The following SUV39H1 variants were observed in gnomAD, a reference collection of about 807,000 sequenced individuals.
SUV39H1 encodes SUV39H1 histone lysine methyltransferase, also known as histone-lysine N-methyltransferase SUV39H1.
For missense variants in SUV39H1, 180 were observed against 386.3 expected (o/e 0.47, Z 4.48); for synonymous variants, 141 against 150.5 (o/e 0.94, Z 0.46).
Position 48,696,751 on chromosome X carries a change from G to T in SUV39H1, c.-34G>T, listed in dbSNP as rs781825573. 33 of 1,136,556 alleles carry T rather than the reference G, an allele frequency of 2.9e-5. No individual in the cohort carries two copies. Among genetic ancestry groups the T allele is most frequent in the Non-Finnish European group, 1.2e-6 (1 of 859,110 alleles). 93.7% of individuals were successfully genotyped at this position (1,136,556 alleles called of 1,213,427 possible). A position where few individuals can be genotyped will look rare whatever the true frequency, so the allele number is the denominator to read the frequency against. On this transcript the variant is annotated 5_prime_UTR_variant, in exon 1 of 6. Transcript: ENST00000376687. ...GCGCGAGCGCTCTTCTCGCGAGGCC[G>T]GCTAGGCCCGAATGTCGTTAGCCGT...
chrX:48,697,172 G>A (rs1557008803), intron 1 of SUV39H1, among the ~76,000 whole-genome samples: 1 of 111,302 alleles, frequency 9.0e-6, no homozygotes, highest in African/African-American at 3.3e-5. Context: ...GCGAGACGCC[G>A]GAAGGGGAGG....
rs2062495654 is a variant in SUV39H1, at chrX:48,707,658, C to T, written c.*88C>T. The T allele has an allele frequency of 9.0e-7, 1 of 1,113,539 alleles. No homozygotes were observed. The highest frequency in any genetic ancestry group is 1.2e-6 in the Non-Finnish European group (1 of 816,773). 91.8% of individuals were successfully genotyped at this position (1,113,539 alleles called of 1,213,427 possible). A position where few individuals can be genotyped will look rare whatever the true frequency, so the allele number is the denominator to read the frequency against. On this transcript the variant is annotated 3_prime_UTR_variant, in exon 6 of 6. Transcript: ENST00000376687. ...GCTGCCCTCCTGTCGAGAATGACTG[C>T]CAGGGCCTCGCCTGCCTCCACCTGC...
chrX:48,708,857 C>T lies in SUV39H1; in HGVS notation c.*1287C>T, dbSNP rs1557010590. On this transcript the variant is annotated 3_prime_UTR_variant, in exon 6 of 6. Transcript: ENST00000376687. ...CCCCTACATGAGACTGTATGCCCTG[C>T]TATCAGATGCCAGATCTATGTGTCT... 9.0e-6 allele frequency: 1 copy of T among 111,344 alleles called. No individual in the cohort carries two copies. Among genetic ancestry groups the T allele is most frequent in the Non-Finnish European group, 1.9e-5 (1 of 52,943 alleles). 9.2% of individuals were successfully genotyped at this position (111,344 alleles called of 1,213,427 possible). A position where few individuals can be genotyped will look rare whatever the true frequency, so the allele number is the denominator to read the frequency against.
At position 48,708,050 on chromosome X, in the gene SUV39H1, AC is replaced by A; in HGVS notation, c.*482del. On this transcript the variant is annotated 3_prime_UTR_variant, in exon 6 of 6. Coordinates refer to ENST00000376687, the MANE Select transcript of SUV39H1 (RefSeq NM_003173.4). ...AGCCCGACATGAAGCTGGTTCCCCA[AC>A]CACAGAAACTTTGTACTAGTGAAAG... The A allele has an allele frequency of 4.4e-6, 1 of 227,575 alleles. No individual in the cohort carries two copies. 18.8% of individuals were successfully genotyped at this position (227,575 alleles called of 1,213,427 possible).
In SUV39H1 at chrX:48,699,008, C is replaced by G; in HGVS notation, c.126C>G (p.Asp42Glu). ...ALGISKRNLYDFEVEYLCDYK... is the reference protein window; with the variant it reads ...ALGISKRNLYEFEVEYLCDYK... ...GTATCTCTAAGAGGAACCTCTATGA[C>G]TTTGAAGTCGAGTACCTGTGCGATT... The change falls in exon 2 of 6, where the codon GAC (aspartate) becomes GAG (glutamate). Residue 42 changes from aspartate to glutamate, a missense_variant. By Grantham distance (45) the Asp-to-Glu change is conservative (BLOSUM62 2). Coordinates refer to ENST00000376687, the MANE Select transcript of SUV39H1 (RefSeq NM_003173.4). The G allele has an allele frequency of 5.8e-6, 7 of 1,210,687 alleles. No individual in the cohort carries two copies. The highest frequency in any genetic ancestry group is 7.8e-6 in the Non-Finnish European group (7 of 895,000).
At chrX:48,698,831 T>A (rs1412959481) in intron 1 of SUV39H1, 71 bp from the exon 2 acceptor site, 2 of 1,136,790 alleles carry the variant, frequency 1.8e-6, no homozygotes, top group South Asian at 2.1e-5. Context: ...CAGGGAGGAT[T>A]TGGGGTCCCC....
chrX:48,696,636 A>T, upstream of SUV39H1: 2 of 734,060 alleles, frequency 2.7e-6, no homozygotes, highest in South Asian at 3.2e-5. Flanking sequence ...GGCGGCAGGG[A>T]GGGGTTCGGT....
At chrX:48,700,927 G>A in intron 3 of SUV39H1, 174 bp downstream of exon 3, 1 of 571,520 alleles carries the variant, frequency 1.7e-6, no homozygotes, top group Non-Finnish European at 2.9e-6. Flanking sequence ...TTCCAAGCTG[G>A]TACACACCAG....
upstream of SUV39H1, chrX:48,696,591 A>C (rs947089514): frequency 2.3e-6 from 1 of 438,898 alleles, no homozygotes; most frequent in Non-Finnish European, 3.5e-6. Context: ...CACTCTGGGA[A>C]AGCGCGGCGA....
chrX:48,698,126 T>G (rs1380311790), intron 1 of SUV39H1, among the ~76,000 whole-genome samples: 1 of 112,219 alleles, frequency 8.9e-6, no homozygotes, highest in Admixed American at 9.4e-5. Flanking sequence ...TGCTCATAAT[T>G]CCGAAATCTA....
rs1295604155 is a variant in SUV39H1, at chrX:48,700,857, T to C, written c.828+104T>C. On this transcript the variant is annotated intron_variant, in intron 3 of 5. Transcript: ENST00000376687. ...TGTGTCTGAAACTCCCTGCTTTCCC[T>C]ATGGGAAAGGCCTGGGAGACTGATC... is the stretch of plus-strand genomic sequence containing the variant. 4 of 984,576 alleles carry C rather than the reference T, an allele frequency of 4.1e-6. No homozygotes were observed. In the African/African-American group the frequency reaches 5.8e-5, roughly 14 times the overall value. 81.1% of individuals were successfully genotyped at this position (984,576 alleles called of 1,213,427 possible). A position where few individuals can be genotyped will look rare whatever the true frequency, so the allele number is the denominator to read the frequency against.
Position 48,700,763 on chromosome X carries a change from T to C in SUV39H1, c.828+10T>C. ...GGAGTACGTGGGAGAGGTAGGGAGA[T>C]GGGACCCGGTGTGTGTGTGCAGCTC... On this transcript the variant is annotated intron_variant, in intron 3 of 5. Transcript: ENST00000376687. 2 of 1,203,052 alleles carry C rather than the reference T, an allele frequency of 1.7e-6. No individual in the cohort carries two copies. Among genetic ancestry groups the C allele is most frequent in the Non-Finnish European group, 2.2e-6 (2 of 890,472 alleles).
intron 3 of SUV39H1, among the ~76,000 whole-genome samples, chrX:48,704,180 A>G (rs918571637): frequency 9.9e-5 from 11 of 111,447 alleles, no homozygotes; most frequent in African/African-American, 3.6e-4. Context: ...TCTGTTCCCA[A>G]GCTTTCAGGG....
At position 48,700,175 on chromosome X, in the gene SUV39H1, C is replaced by T; in HGVS notation, c.250C>T (p.Arg84Cys). ...WEPRQNLKCV[R>C]ILKQFHKDLE... is the part of the protein sequence containing the mutation. ...GCCACGGCAGAATCTCAAGTGTGTGCGTATCCTCAAGCAGTTCCACAAGGA... is the reference window on the plus strand; with the variant it reads ...GCCACGGCAGAATCTCAAGTGTGTGTGTATCCTCAAGCAGTTCCACAAGGA... The change falls in exon 3 of 6, where the codon CGT becomes TGT. Residue 84 changes from arginine (R) to cysteine (C), a missense_variant. Transcript: ENST00000376687. The T allele has an allele frequency of 2.5e-6, 3 of 1,201,165 alleles. No homozygotes were observed. The highest frequency in any genetic ancestry group is 2.2e-6 in the Non-Finnish European group (2 of 890,114).
intron 3 of SUV39H1, among the ~76,000 whole-genome samples, chrX:48,701,300 A>G (rs2062474549): frequency 8.9e-6 from 1 of 112,409 alleles, no homozygotes; most frequent in Admixed American, 9.4e-5. Flanking sequence ...CAGCCATTGT[A>G]AAAACAACCC....
intron 2 of SUV39H1, among the ~76,000 whole-genome samples, 173 bp from the exon 3 acceptor site, chrX:48,699,918 T>G (rs2062468680): frequency 9.1e-6 from 1 of 110,380 alleles, no homozygotes; most frequent in South Asian, 3.8e-4. Flanking sequence ...GATTTGAACC[T>G]AGTAATCCTC....
chrX:48,696,146 AGAG>A (rs2062453844), upstream of SUV39H1, among the ~76,000 whole-genome samples: 1 of 112,639 alleles, frequency 8.9e-6, no homozygotes, highest in Non-Finnish European at 1.9e-5. Flanking sequence ...TGGTGGGTGG[AGAG>A]GAGGACTGAT....
chrX:48,706,514 A>G lies in SUV39H1; in HGVS notation c.992A>G (p.Gln331Arg). ...CTCGCCCAGTGTGACCCCAACCTGC[A>G]GGTGTACAACGTCTTCATAGACAAC... ...FVNHSCDPNL[Q>R]VYNVFIDNLD... Residue 331 changes from glutamine (Q) to arginine (R), a missense_variant, in exon 5 of 6, where the codon CAG becomes CGG. Coordinates refer to ENST00000376687, the MANE Select transcript of SUV39H1 (RefSeq NM_003173.4). 8.3e-7 allele frequency: 1 copy of G among 1,200,052 alleles called. No individual in the cohort carries two copies. The highest frequency in any genetic ancestry group is 1.1e-6 in the Non-Finnish European group (1 of 888,764).
chrX:48,704,921 G>A (rs1456941358), intron 3 of SUV39H1, among the ~76,000 whole-genome samples: 1 of 111,932 alleles, frequency 8.9e-6, no homozygotes, highest in Admixed American at 9.4e-5. Context: ...GCACAAGGAA[G>A]GCCTCAATAA....
Sources: allele counts gnomAD v4.1 joint callset (sites outside exome capture counted in the v4.1 genomes callset), GRCh38; gene constraint gnomAD v4.1.1; transcripts MANE v1.5; gene names NCBI Gene and HGNC (gene_info 2026-07-23, HGNC 2026-07-21).